Variants in WDPCP observed in about 807,000 individuals in gnomAD.
WDPCP encodes the protein WD repeat-containing and planar cell polarity effector protein fritz homolog.
Under a neutral mutation model 93.1 loss-of-function variants are expected in WDPCP, and 71 were observed. The observed-to-expected ratio is 0.76, with a 90% confidence interval of 0.63 to 0.93. WDPCP has a LOEUF of 0.93. Ranked by LOEUF, WDPCP falls within the 40% of genes least tolerant of loss-of-function variation. The probability of loss-of-function intolerance (pLI) is 0.00; values close to 1 mark genes in which losing one functional copy is unlikely to be tolerated. For synonymous variants in WDPCP, 315 were observed against 315.0 expected (o/e 1.00, Z 0.00); for missense variants, 844 against 887.4 (o/e 0.95, Z 0.62).
At chr2:63,390,490 A>AC (rs1173008122) in intron 10 of WDPCP, among the ~76,000 whole-genome samples, 2 of 151,990 alleles carry the variant, frequency 1.3e-5, no homozygotes, top group East Asian at 1.9e-4. Flanking sequence ...AATTAAAAGA[A>AC]TAGAGAAGCA....
chr2:63,549,845 CA>C (rs1705446554), intron 1 of WDPCP, among the ~76,000 whole-genome samples: 1 of 152,162 alleles, frequency 6.6e-6, no homozygotes. Flanking sequence ...ACACCCACAT[CA>C]GTGGCTACTT....
At chr2:63,379,283 A>T (rs553051284) in intron 11 of WDPCP, among the ~76,000 whole-genome samples, 5 of 152,326 alleles carry the variant, frequency 3.3e-5, no homozygotes, top group African/African-American at 1.2e-4. Flanking sequence ...TACAGTTCAC[A>T]GTAAGACTTC....
intron 14 of WDPCP, among the ~76,000 whole-genome samples, chr2:63,245,838 T>C (rs1680227420): frequency 6.6e-6 from 1 of 152,168 alleles, no homozygotes; most frequent in African/African-American, 2.4e-5. Context: ...GATATAGGGA[T>C]AAAATATGTA....
chr2:63,454,751 C>T (rs1698508558), intron 6 of WDPCP, among the ~76,000 whole-genome samples: 1 of 152,092 alleles, frequency 6.6e-6, no homozygotes, highest in South Asian at 2.1e-4. Context: ...GTCTTCTCCA[C>T]AGCACATTAT....
intron 2 of WDPCP, among the ~76,000 whole-genome samples, chr2:63,660,118 T>C (rs1437098699): frequency 6.6e-6 from 1 of 152,206 alleles, no homozygotes; most frequent in Admixed American, 6.5e-5. Flanking sequence ...TTTGGCAATA[T>C]AATGATAAGC....
chr2:63,816,064 T>C (rs1670929101), intron 1 of WDPCP, among the ~76,000 whole-genome samples: 1 of 152,190 alleles, frequency 6.6e-6, no homozygotes, highest in Non-Finnish European at 1.5e-5. Flanking sequence ...GTACAAAATA[T>C]CTAAGTCAGA....
intron 17 of WDPCP, among the ~76,000 whole-genome samples, chr2:63,142,570 G>A (rs1168392626): frequency 6.6e-6 from 1 of 152,008 alleles, no homozygotes; most frequent in African/African-American, 2.4e-5. Context: ...GCTGTATCTT[G>A]GAGAAAGTTC....
intron 12 of WDPCP, among the ~76,000 whole-genome samples, chr2:63,350,366 C>A (rs74622919): frequency 1.1e-4 from 17 of 151,898 alleles, no homozygotes; most frequent in Admixed American, 8.5e-4. Context: ...GTGCAGCAAA[C>A]CAGCATGGCA....
chr2:63,739,053 G>C (rs1228665445), intron 2 of WDPCP, among the ~76,000 whole-genome samples: 2 of 151,916 alleles, frequency 1.3e-5, no homozygotes, highest in African/African-American at 4.8e-5. Context: ...TTTATTTTAG[G>C]TTTGGGGGTA....
At position 63,616,740 on chromosome 2, in the gene WDPCP, CATT is replaced by C. The variant is rs373022520; in HGVS notation, n.488+33916_488+33918del. 2.0e-3 allele frequency among the ~76,000 whole-genome samples: 311 copies of C among 152,002 alleles called. 2 individuals are homozygous for C. Among genetic ancestry groups the C allele is most frequent in the African/African-American group, 7.2e-3 (298 of 41,442 alleles). ...CAACCCACGTGGAGAAGAAAAAAAT[CATT>C]ATTTTAAAAAGTATATGCAAATAAG... On this transcript the variant is annotated intron_variant and non_coding_transcript_variant, in intron 3 of 4. Transcript: ENST00000467687.
At chr2:63,590,880 T>C (rs1278531798), upstream of WDPCP, 2 of 152,218 alleles carry the variant, frequency 1.3e-5, no homozygotes, top group African/African-American at 4.8e-5. Context: ...AAGAGCCTTC[T>C]TCTGTAAGCT....
chr2:63,572,726 A>AAAAAAAAAAAAAAATG, intron 1 of WDPCP, among the ~76,000 whole-genome samples: 1 of 144,764 alleles, frequency 6.9e-6, no homozygotes, highest in Non-Finnish European at 1.5e-5. Flanking sequence ...AAAAAAAAAA[A>AAAAAAAAAAAAAAATG]GTTGGACAGC....
At chr2:63,808,914 C>T (rs1287478891) in intron 2 of WDPCP, among the ~76,000 whole-genome samples, 6 of 151,706 alleles carry the variant, frequency 4.0e-5, no homozygotes, top group South Asian at 2.1e-4. Flanking sequence ...TCTTCCCGGC[C>T]GCCATCCCAT....
At chr2:63,180,685 G>C (rs1205926870) in intron 14 of WDPCP, among the ~76,000 whole-genome samples, 1 of 151,932 alleles carries the variant, frequency 6.6e-6, no homozygotes, top group Non-Finnish European at 1.5e-5. Context: ...TTTTTCCTTT[G>C]GGTAGATAGC....
At chr2:63,216,163 T>C (rs1314287205) in intron 14 of WDPCP, among the ~76,000 whole-genome samples, 2 of 152,114 alleles carry the variant, frequency 1.3e-5, no homozygotes, top group Non-Finnish European at 1.5e-5. Context: ...TCCTCAAGGA[T>C]CTAGAACTGG....
chr2:63,835,389 CAAA>C, the WDPCP span, among the ~76,000 whole-genome samples: 3 of 42,350 alleles, frequency 7.1e-5, no homozygotes, highest in Admixed American at 2.4e-4. Context: ...GACTCCATCT[CAAA>C]AAAAAAAAAA....
At chr2:63,374,578 T>C (rs538194049) in intron 12 of WDPCP, among the ~76,000 whole-genome samples, 2 of 152,190 alleles carry the variant, frequency 1.3e-5, no homozygotes, top group Non-Finnish European at 1.5e-5. Flanking sequence ...CATGTATACA[T>C]GGAATTGCTT....
intron 14 of WDPCP, among the ~76,000 whole-genome samples, chr2:63,196,751 G>A (rs899717916): frequency 6.6e-6 from 1 of 152,162 alleles, no homozygotes; most frequent in Non-Finnish European, 1.5e-5. Context: ...AAAAGTGCTT[G>A]ACTCTTGGGG....
At chr2:63,180,461 T>C (rs1674159309) in intron 14 of WDPCP, among the ~76,000 whole-genome samples, 2 of 152,178 alleles carry the variant, frequency 1.3e-5, no homozygotes, top group African/African-American at 4.8e-5. Context: ...TTCTGAGTTA[T>C]TTCACTTAAG....
Sources: allele counts gnomAD v4.1 joint callset (sites outside exome capture counted in the v4.1 genomes callset), GRCh38; gene constraint gnomAD v4.1.1; transcripts MANE v1.5; gene names NCBI Gene and HGNC (gene_info 2026-07-23, HGNC 2026-07-21).